Variants in ITPR2 observed in about 807,000 individuals in gnomAD.
ITPR2 encodes inositol 1,4,5-trisphosphate receptor type 2.
ITPR2 carries 207 observed loss-of-function variants against 317.1 expected under a neutral mutation model. That is an observed-to-expected ratio of 0.65 (90% CI 0.58 to 0.73). The LOEUF (loss-of-function observed/expected upper bound fraction) is 0.73, where lower values mean the gene tolerates loss of function less well. Ranked by LOEUF, ITPR2 falls within the 30% of genes least tolerant of loss-of-function variation. The pLI is 0.00. For missense variants in ITPR2, 2,613 were observed against 3,284.0 expected, an observed-to-expected ratio of 0.80 and a Z score of 4.99; for synonymous variants, 1,156 against 1,149.1, an observed-to-expected ratio of 1.01 and a Z score of -0.12.
intron 2 of ITPR2, among the ~76,000 whole-genome samples, chr12:26,785,746 G>T (rs1318178696): frequency 3.3e-5 from 1 of 29,988 alleles, no homozygotes; most frequent in Admixed American, 3.7e-4. Context: ...CGTCCGGGAG[G>T]TGAGGGGCGC....
chr12:26,545,420 C>G (rs1052921255), intron 37 of ITPR2, among the ~76,000 whole-genome samples: 1 of 152,070 alleles, frequency 6.6e-6, no homozygotes, highest in African/African-American at 2.4e-5. Context: ...AGGTACTACA[C>G]TACCGGCTTT....
At chr12:26,563,287 G>C (rs1323242056) in intron 34 of ITPR2, among the ~76,000 whole-genome samples, 1 of 152,186 alleles carries the variant, frequency 6.6e-6, no homozygotes, top group Non-Finnish European at 1.5e-5. Flanking sequence ...GAGGTAAAAC[G>C]TGGGCTGGGT....
intron 55 of ITPR2, among the ~76,000 whole-genome samples, chr12:26,354,006 G>A (rs771447822): frequency 2.6e-5 from 4 of 152,194 alleles, no homozygotes; most frequent in Non-Finnish European, 5.9e-5. Flanking sequence ...AGGTGCAGTG[G>A]CTCATGCATG....
intron 51 of ITPR2, among the ~76,000 whole-genome samples, chr12:26,413,467 A>G (rs1409724547): frequency 6.6e-6 from 1 of 152,260 alleles, no homozygotes; most frequent in Non-Finnish European, 1.5e-5. Flanking sequence ...CTTTGCAAGT[A>G]AATAGTGTCC....
rs574522344 is a variant in ITPR2, at chr12:26,338,644, T to C, written c.*753A>G. 1 of 152,214 alleles carries C rather than the reference T, an allele frequency of 6.6e-6. No homozygotes were observed. Among genetic ancestry groups the C allele is most frequent in the Non-Finnish European group, 1.5e-5 (1 of 68,036 alleles). The allele number at this position is 152,214 out of a possible 1,614,324, so 9.4% of individuals were successfully genotyped here. On this transcript the variant is annotated 3_prime_UTR_variant, in exon 57 of 57. Transcript: ENST00000381340. ...ACTGTTGGCTTTTTATTCCCCCAGA[T>C]CTTCTTAAAATCTTAGCCTATACAT...
rs1298682916 is a variant in ITPR2 at position 26,712,649 on chromosome 12, AC to A, written c.856-1382del. On this transcript the variant is annotated intron_variant, in intron 8 of 56. Transcript: ENST00000381340. ...TTGTCTCAAATACACACACACACAC[AC>A]ACACACACACACACACACACACACA... is the stretch of plus-strand genomic sequence containing the variant. Among the ~76,000 whole-genome samples the A allele has an allele frequency of 2.0e-4, 14 of 69,584 alleles. No individual in the cohort carries two copies. The South Asian group carries it at 5.0e-3, about 25-fold the overall frequency. The allele number at this position is 69,584 out of a possible 152,430, so 45.6% of individuals were successfully genotyped here. A position where few individuals can be genotyped will look rare whatever the true frequency, so the allele number is the denominator to read the frequency against.
At chr12:26,491,431 C>T (rs527637648) in intron 39 of ITPR2, among the ~76,000 whole-genome samples, 9 of 137,270 alleles carry the variant, frequency 6.6e-5, no homozygotes, top group Admixed American at 3.5e-4. Flanking sequence ...TGCAGTGAGC[C>T]GAGATTACAC....
chr12:26,515,109 G>C (rs1351365705), intron 37 of ITPR2, among the ~76,000 whole-genome samples: 1 of 152,128 alleles, frequency 6.6e-6, no homozygotes, highest in African/African-American at 2.4e-5. Flanking sequence ...TACTCAGATT[G>C]AACCAGTTTA....
intron 1 of ITPR2, among the ~76,000 whole-genome samples, chr12:26,819,329 A>G (rs781296065): frequency 1.2e-4 from 19 of 152,212 alleles, no homozygotes; most frequent in Admixed American, 5.2e-4. Flanking sequence ...AATTGGCTTA[A>G]GGCAAAGCTC....
intron 2 of ITPR2, among the ~76,000 whole-genome samples, chr12:26,774,122 G>T (rs1163286998): frequency 6.6e-6 from 1 of 150,600 alleles, no homozygotes; most frequent in Non-Finnish European, 1.5e-5. Context: ...ACATGGAGAA[G>T]TTTTTGTCTT....
chr12:26,348,343 T>G (rs775389966), intron 55 of ITPR2, among the ~76,000 whole-genome samples: 1 of 152,180 alleles, frequency 6.6e-6, no homozygotes, highest in Non-Finnish European at 1.5e-5. Context: ...GGCGTGGTTA[T>G]GGGGGCGTGT....
intron 55 of ITPR2, among the ~76,000 whole-genome samples, chr12:26,351,333 T>A (rs1338470479): frequency 1.3e-5 from 2 of 152,232 alleles, no homozygotes; most frequent in Non-Finnish European, 2.9e-5. Context: ...TCTCTAGGAA[T>A]CTGGAGATGC....
intron 37 of ITPR2, among the ~76,000 whole-genome samples, chr12:26,530,147 T>C (rs1376737808): frequency 2.0e-5 from 3 of 152,130 alleles, no homozygotes; most frequent in African/African-American, 7.2e-5. Context: ...GGATTTTAAT[T>C]TAATTTAACA....
chr12:26,342,309 A>T (rs1467643554), intron 55 of ITPR2, among the ~76,000 whole-genome samples: 1 of 152,168 alleles, frequency 6.6e-6, no homozygotes, highest in Non-Finnish European at 1.5e-5. Flanking sequence ...ATTCCTTTCA[A>T]CAATTCTGTG....
chr12:26,341,065 C>T (rs1210784817), intron 55 of ITPR2, among the ~76,000 whole-genome samples: 4 of 152,176 alleles, frequency 2.6e-5, no homozygotes, highest in Non-Finnish European at 4.4e-5. Context: ...GCTCGATTGT[C>T]TAACATCATA....
At chr12:26,628,547 G>T (rs769460834) in intron 22 of ITPR2, among the ~76,000 whole-genome samples, 5 of 152,138 alleles carry the variant, frequency 3.3e-5, no homozygotes, top group Non-Finnish European at 7.4e-5. Flanking sequence ...ACACAGTAGG[G>T]CAATAATTCA....
At chr12:26,638,389 T>C (rs919087237) in intron 21 of ITPR2, among the ~76,000 whole-genome samples, 2 of 152,224 alleles carry the variant, frequency 1.3e-5, no homozygotes, top group South Asian at 2.1e-4. Context: ...GCATATACCA[T>C]ACGAACCACA....
At chr12:26,587,409 TGAAG>T (rs1945558184) in intron 32 of ITPR2, among the ~76,000 whole-genome samples, 1 of 152,086 alleles carries the variant, frequency 6.6e-6, no homozygotes, top group Non-Finnish European at 1.5e-5. Context: ...AAGCCCTCTC[TGAAG>T]GAGTGACTTT....
At chr12:26,484,594 G>A (rs1942621946) in intron 41 of ITPR2, among the ~76,000 whole-genome samples, 1 of 152,094 alleles carries the variant, frequency 6.6e-6, no homozygotes. Flanking sequence ...TTAGAATACT[G>A]TAAAACTATA....
Sources: gnomAD v4.1 joint callset for allele counts (sites outside exome capture counted in the v4.1 genomes callset) on GRCh38, gnomAD v4.1.1 for gene constraint, MANE v1.5 for transcripts, NCBI Gene and HGNC (gene_info 2026-07-23, HGNC 2026-07-21) for gene names.